KAZN: variants seen among roughly 807,000 people sequenced by gnomAD.
The protein encoded by KAZN is kazrin, periplakin interacting protein.
Under a neutral mutation model 87.4 loss-of-function variants are expected in KAZN, and 40 were observed. That is an observed-to-expected ratio of 0.46 (90% CI 0.36 to 0.60). The LOEUF (loss-of-function observed/expected upper bound fraction) is 0.60, where lower values mean the gene tolerates loss of function less well. Ranked by LOEUF, KAZN falls within the 20% of genes least tolerant of loss-of-function variation. KAZN has a pLI of 0.00. For synonymous variants in KAZN, 466 were observed against 458.3 expected (o/e 1.02, Z -0.22); for missense variants, 898 against 1,073.9 (o/e 0.84, Z 2.29).
At chr1:14,062,785 A>T (rs1314584619) in intron 1 of KAZN, among the ~76,000 whole-genome samples, 1 of 152,058 alleles carries the variant, frequency 6.6e-6, no homozygotes, top group Non-Finnish European at 1.5e-5. Context: ...AAGATAGGAC[A>T]TCATCAAGCA....
At chr1:14,193,131 C>T (rs1353899907) in intron 2 of KAZN, among the ~76,000 whole-genome samples, 1 of 152,156 alleles carries the variant, frequency 6.6e-6, no homozygotes, top group Non-Finnish European at 1.5e-5. Context: ...TTCCTGCCGC[C>T]TTGTGAAGAA....
intron 1 of KAZN, among the ~76,000 whole-genome samples, chr1:14,145,863 C>T (rs557363761): frequency 2.0e-5 from 3 of 152,306 alleles, no homozygotes; most frequent in East Asian, 1.9e-4. Flanking sequence ...AGCCACTGTG[C>T]CTGGCCAAGA....
At chr1:14,278,462 G>A (rs1002822456) in intron 2 of KAZN, among the ~76,000 whole-genome samples, 2 of 151,712 alleles carry the variant, frequency 1.3e-5, no homozygotes, top group Non-Finnish European at 2.9e-5. Flanking sequence ...GCTAATTTTT[G>A]TATTTTTAAT....
At chr1:14,958,454 C>T (rs536942537) in intron 1 of KAZN, among the ~76,000 whole-genome samples, 4 of 152,196 alleles carry the variant, frequency 2.6e-5, no homozygotes, top group African/African-American at 9.6e-5. Context: ...ACATGGAGCA[C>T]TTCTTATATA....
chr1:14,968,721 T>C (rs1465522165), intron 2 of KAZN, among the ~76,000 whole-genome samples: 1 of 152,218 alleles, frequency 6.6e-6, no homozygotes, highest in Non-Finnish European at 1.5e-5. Flanking sequence ...GACTAAGGCC[T>C]GTGGGAGCCT....
Position 14,957,609 on chromosome 1 carries a change from G to A in KAZN, c.227-3075G>A, listed in dbSNP as rs546920339. On this transcript the variant is annotated intron_variant, in intron 1 of 14. Coordinates refer to ENST00000376030, the MANE Select transcript of KAZN (RefSeq NM_201628.3). ...CGTGCTGTTGACGCTGGACAGGAGC[G>A]GAGCCGTTTTAGGTCTCTTGAGGCT... 5.3e-5 allele frequency among the ~76,000 whole-genome samples: 8 copies of A among 152,312 alleles called. No homozygotes were observed. The South Asian group carries it at 1.0e-3, about 20-fold the overall frequency.
intron 2 of KAZN, among the ~76,000 whole-genome samples, chr1:14,418,886 G>C (rs1031152280): frequency 3.3e-5 from 5 of 152,192 alleles, no homozygotes; most frequent in Admixed American, 2.0e-4. Context: ...TGAAAATAAG[G>C]CTTCTGCATC....
At chr1:15,072,727 C>T (rs893462873) in intron 8 of KAZN, among the ~76,000 whole-genome samples, 2 of 152,186 alleles carry the variant, frequency 1.3e-5, no homozygotes, top group African/African-American at 4.8e-5. Flanking sequence ...TGGAGTCACA[C>T]ACCTAGGAAG....
chr1:14,388,352 C>CAA (rs1262455529), intron 2 of KAZN, among the ~76,000 whole-genome samples: 1 of 152,144 alleles, frequency 6.6e-6, no homozygotes, highest in Non-Finnish European at 1.5e-5. Context: ...CTAGAAGAAA[C>CAA]AATTCTAAAC....
intron 1 of KAZN, among the ~76,000 whole-genome samples, chr1:14,156,979 T>G (rs1405267590): frequency 6.6e-6 from 1 of 151,904 alleles, no homozygotes; most frequent in Non-Finnish European, 1.5e-5. Flanking sequence ...GATTTCATTT[T>G]TTGCTTTTTA....
At chr1:14,561,630 A>G (rs1674259039) in intron 2 of KAZN, among the ~76,000 whole-genome samples, 1 of 152,176 alleles carries the variant, frequency 6.6e-6, no homozygotes, top group Non-Finnish European at 1.5e-5. Context: ...TGCTGGGCGC[A>G]GTGGCTCGCA....
intron 2 of KAZN, among the ~76,000 whole-genome samples, chr1:14,435,156 G>A (rs1480808150): frequency 2.0e-5 from 3 of 152,124 alleles, no homozygotes; most frequent in Non-Finnish European, 2.9e-5. Context: ...GGTGGCGCTC[G>A]TGGTCTTCAG....
At chr1:13,953,033 A>T (rs1641411870) in intron 1 of KAZN, among the ~76,000 whole-genome samples, 2 of 152,144 alleles carry the variant, frequency 1.3e-5, no homozygotes, top group South Asian at 4.1e-4. Context: ...GCCCTGGAGT[A>T]TTGAGAAACC....
At chr1:14,056,470 C>T (rs1642560298) in intron 1 of KAZN, among the ~76,000 whole-genome samples, 1 of 152,176 alleles carries the variant, frequency 6.6e-6, no homozygotes, top group Non-Finnish European at 1.5e-5. Context: ...CTGGAGCTTC[C>T]AGAAGGGACC....
At chr1:14,880,594 A>G (rs556479861) in intron 1 of KAZN, among the ~76,000 whole-genome samples, 1 of 152,248 alleles carries the variant, frequency 6.6e-6, no homozygotes, top group African/African-American at 2.4e-5. Flanking sequence ...TGGGCACCGG[A>G]CCCAGAGGCT....
At chr1:14,799,043 C>G (rs804131) in intron 1 of KAZN, among the ~76,000 whole-genome samples, 104,705 of 152,126 alleles carry the variant, frequency 0.69, 36,269 homozygotes, top group African/African-American at 0.76. Flanking sequence ...TCCCAAAGTG[C>G]TGGGATTACA....
intron 2 of KAZN, among the ~76,000 whole-genome samples, chr1:14,982,750 C>T (rs1448964753): frequency 6.6e-6 from 1 of 152,184 alleles, no homozygotes; most frequent in East Asian, 1.9e-4. Context: ...GAAAGGGATC[C>T]AGGCCCCTGT....
At chr1:14,396,037 G>A (rs554762232) in intron 2 of KAZN, among the ~76,000 whole-genome samples, 28 of 151,732 alleles carry the variant, frequency 1.8e-4, no homozygotes, top group South Asian at 1.5e-3. Flanking sequence ...GCATAGTGGC[G>A]CGCCCCTGTA....
At chr1:14,851,468 C>G (rs1013220762) in intron 1 of KAZN, among the ~76,000 whole-genome samples, 1 of 152,220 alleles carries the variant, frequency 6.6e-6, no homozygotes, top group Non-Finnish European at 1.5e-5. Context: ...AGGACCAACC[C>G]TTGTTGCATG....
Sources: allele counts gnomAD v4.1 joint callset (sites outside exome capture counted in the v4.1 genomes callset), GRCh38; gene constraint gnomAD v4.1.1; transcripts MANE v1.5; gene names NCBI Gene and HGNC (gene_info 2026-07-23, HGNC 2026-07-21).